Variants in FARS2 observed in about 807,000 individuals in gnomAD.
The protein encoded by FARS2 is phenylalanyl-tRNA synthetase 2, mitochondrial.
Under a neutral mutation model 46.4 loss-of-function variants are expected in FARS2, and 40 were observed. The ratio of observed to expected loss-of-function variants is 0.86; its 90% CI spans 0.67 to 1.12. The LOEUF (loss-of-function observed/expected upper bound fraction) is 1.12, where lower values mean the gene tolerates loss of function less well. Among genes scored for constraint, FARS2 ranks in the 50% most tolerant of loss-of-function variants. FARS2 has a pLI of 0.00. For missense variants in FARS2, 513 were observed against 567.9 expected (o/e 0.90, Z 0.98); for synonymous variants, 234 against 214.9 (o/e 1.09, Z -0.78).
upstream of FARS2, among the ~76,000 whole-genome samples, chr6:5,260,093 C>CT (rs1764929396): frequency 6.6e-6 from 1 of 152,274 alleles, no homozygotes; most frequent in Admixed American, 6.5e-5. Flanking sequence ...AGCTCCAAAG[C>CT]TTGTGAGACC....
chr6:5,298,613 A>G (rs1346407398), intron 1 of FARS2, among the ~76,000 whole-genome samples: 5 of 152,222 alleles, frequency 3.3e-5, no homozygotes, highest in Admixed American at 1.3e-4. Flanking sequence ...TCTCATGTCC[A>G]GAGATTCCAG....
At chr6:5,466,698 A>G (rs1582189462) in intron 4 of FARS2, 1 of 985,116 alleles carries the variant, frequency 1.0e-6, no homozygotes, top group East Asian at 1.1e-4. Flanking sequence ...GAGCTGGATA[A>G]AAATGCCTGT....
intron 1 of FARS2, among the ~76,000 whole-genome samples, chr6:5,293,153 A>G (rs961062080): frequency 2.6e-5 from 4 of 152,186 alleles, no homozygotes; most frequent in African/African-American, 4.8e-5. Flanking sequence ...TGAGAGGTGA[A>G]TGGATGAGGA....
intron 6 of FARS2, among the ~76,000 whole-genome samples, chr6:5,755,421 T>A (rs1169623246): frequency 6.6e-6 from 1 of 152,266 alleles, no homozygotes; most frequent in African/African-American, 2.4e-5. Context: ...CTCCCACTTA[T>A]GAGTGAGAAC....
At chr6:5,603,107 A>G (rs1561744937) in intron 5 of FARS2, among the ~76,000 whole-genome samples, 1 of 151,924 alleles carries the variant, frequency 6.6e-6, no homozygotes, top group Non-Finnish European at 1.5e-5. Context: ...TTATTGTGTT[A>G]TTTTTTGACA....
intron 1 of FARS2, among the ~76,000 whole-genome samples, chr6:5,285,945 C>T (rs1421119945): frequency 6.6e-6 from 1 of 152,198 alleles, no homozygotes. Context: ...CTTCACTTTG[C>T]TCTGTCCTTC....
At chr6:5,653,934 A>T (rs575854608) in intron 6 of FARS2, among the ~76,000 whole-genome samples, 18 of 152,308 alleles carry the variant, frequency 1.2e-4, no homozygotes, top group Admixed American at 2.6e-4. Flanking sequence ...TTCTGTGAAC[A>T]TTCAGAAGTT....
intron 4 of FARS2, among the ~76,000 whole-genome samples, chr6:5,478,109 A>T (rs1288175591): frequency 6.6e-6 from 1 of 151,878 alleles, no homozygotes; most frequent in East Asian, 1.9e-4. Flanking sequence ...TGCTTGGCAC[A>T]TATTAAACGT....
At chr6:5,565,981 T>G (rs1772300371) in intron 5 of FARS2, among the ~76,000 whole-genome samples, 1 of 152,216 alleles carries the variant, frequency 6.6e-6, no homozygotes, top group Non-Finnish European at 1.5e-5. Context: ...TTCCATCTAA[T>G]CCTAACCAAT....
At chr6:5,494,929 C>G (rs1490495449) in intron 4 of FARS2, among the ~76,000 whole-genome samples, 2 of 152,154 alleles carry the variant, frequency 1.3e-5, no homozygotes, top group East Asian at 3.8e-4. Context: ...TCAGATTCAT[C>G]CCTTTCTTTT....
At chr6:5,442,595 AT>A (rs1177692434) in intron 4 of FARS2, among the ~76,000 whole-genome samples, 1 of 152,180 alleles carries the variant, frequency 6.6e-6, no homozygotes, top group Non-Finnish European at 1.5e-5. Context: ...TTACTGCCTT[AT>A]CATTCATATT....
intron 6 of FARS2, among the ~76,000 whole-genome samples, chr6:5,652,771 C>T (rs1370729922): frequency 2.0e-5 from 3 of 152,220 alleles, no homozygotes; most frequent in African/African-American, 7.2e-5. Context: ...TAGAGCACCT[C>T]CCGCGGCTGT....
chr6:5,726,787 G>A lies in FARS2; in HGVS notation c.1218-44504G>A, dbSNP rs142252207. ...GCCCTCTTTAAGCCCCAGGGGCACC[G>A]CCATCTCTAGGAATGGAAATTCCCA... On this transcript the variant is annotated intron_variant, in intron 6 of 6. Coordinates refer to ENST00000274680, the MANE Select transcript of FARS2 (RefSeq NM_006567.5). Among the ~76,000 whole-genome samples the A allele has an allele frequency of 3.9e-5, 6 of 152,168 alleles. No individual in the cohort carries two copies. The East Asian group carries it at 9.7e-4, about 25-fold the overall frequency.
intron 5 of FARS2, among the ~76,000 whole-genome samples, chr6:5,602,007 A>T (rs761357172): frequency 6.6e-6 from 1 of 152,178 alleles, no homozygotes; most frequent in Non-Finnish European, 1.5e-5. Context: ...CCTGTTTGAC[A>T]TGCATTCCAA....
rs12201749 is a variant in FARS2, at chr6:5,558,195, G to T, written c.1065+12855G>T. ...CCTCATCCTGTACAAAAGAACAAAC[G>T]CATTTCTTCACTACTTCAATCAGAG... On this transcript the variant is annotated intron_variant, in intron 5 of 6. Coordinates refer to ENST00000274680, the MANE Select transcript of FARS2 (RefSeq NM_006567.5). Among the ~76,000 whole-genome samples, 1,362 of 152,216 alleles carry T rather than the reference G, an allele frequency of 8.9e-3. 10 individuals carry two copies. Among genetic ancestry groups the T allele is most frequent in the Non-Finnish European group, 0.015 (1,049 of 68,018 alleles).
chr6:5,590,936 G>T (rs1349834463), intron 5 of FARS2, among the ~76,000 whole-genome samples: 1 of 152,186 alleles, frequency 6.6e-6, no homozygotes, highest in African/African-American at 2.4e-5. Flanking sequence ...TTAACCATGA[G>T]AAATTACTAA....
chr6:5,320,591 G>A (rs577178643), intron 1 of FARS2, among the ~76,000 whole-genome samples: 3 of 152,162 alleles, frequency 2.0e-5, no homozygotes, highest in South Asian at 4.1e-4. Flanking sequence ...AATATTGGTG[G>A]GAGAAAGTAG....
At chr6:5,265,436 C>T (rs1196894689) in intron 1 of FARS2, among the ~76,000 whole-genome samples, 1 of 152,184 alleles carries the variant, frequency 6.6e-6, no homozygotes, top group Admixed American at 6.5e-5. Context: ...ATCATTTCTT[C>T]CCTTATGCAT....
intron 4 of FARS2, among the ~76,000 whole-genome samples, chr6:5,481,475 G>C (rs1766453160): frequency 6.6e-6 from 1 of 152,136 alleles, no homozygotes; most frequent in African/African-American, 2.4e-5. Context: ...TCGTTTTTCT[G>C]GATCTGCCTC....
Sources: allele counts gnomAD v4.1 joint callset (sites outside exome capture counted in the v4.1 genomes callset), GRCh38; gene constraint gnomAD v4.1.1; transcripts MANE v1.5; gene names NCBI Gene and HGNC (gene_info 2026-07-23, HGNC 2026-07-21).